NRXN3: variants seen among roughly 807,000 people sequenced by gnomAD.
NRXN3 encodes neurexin III.
Under a neutral mutation model 137.6 loss-of-function variants are expected in NRXN3, and 32 were observed. That is an observed-to-expected ratio of 0.23 (90% confidence interval 0.18 to 0.31). NRXN3 has a LOEUF of 0.31. Ranked by LOEUF, NRXN3 falls within the 10% of genes least tolerant of loss-of-function variation. NRXN3 has a pLI of 1.00. For missense variants in NRXN3, 1,574 were observed against 2,062.5 expected (o/e 0.76, Z 4.59); for synonymous variants, 798 against 784.5 (o/e 1.02, Z -0.29).
intron 4 of NRXN3, among the ~76,000 whole-genome samples, chr14:78,395,303 A>G (rs2091322411): frequency 6.6e-6 from 1 of 151,780 alleles, no homozygotes; most frequent in Non-Finnish European, 1.5e-5. Flanking sequence ...TGACTTATAT[A>G]TTATTTAGAA....
intron 15 of NRXN3, among the ~76,000 whole-genome samples, chr14:79,392,984 A>AAAG (rs1316809814): frequency 4.6e-5 from 7 of 151,326 alleles, no homozygotes; most frequent in African/African-American, 1.7e-4. Context: ...AAAAAAAAAA[A>AAAG]AAAAAAAATT....
At chr14:79,408,176 T>C (rs757306191) in intron 15 of NRXN3, among the ~76,000 whole-genome samples, 22 of 152,212 alleles carry the variant, frequency 1.4e-4, no homozygotes, top group Admixed American at 2.0e-4. Flanking sequence ...TGTCCACAAG[T>C]GTTTGCAGAC....
intron 4 of NRXN3, among the ~76,000 whole-genome samples, chr14:78,561,632 T>C (rs941578833): frequency 2.6e-5 from 4 of 152,164 alleles, no homozygotes; most frequent in Non-Finnish European, 2.9e-5. Flanking sequence ...GGAAAGCATA[T>C]ACTTCCAAAA....
intron 15 of NRXN3, among the ~76,000 whole-genome samples, chr14:79,133,005 G>T (rs1038027359): frequency 6.6e-6 from 1 of 152,216 alleles, no homozygotes; most frequent in Non-Finnish European, 1.5e-5. Flanking sequence ...GCAAGATGGT[G>T]CTCTGTGTCT....
At chr14:79,011,108 A>G (rs1027027569) in intron 15 of NRXN3, among the ~76,000 whole-genome samples, 11 of 152,086 alleles carry the variant, frequency 7.2e-5, no homozygotes, top group African/African-American at 2.7e-4. Context: ...TAGAGGTCTC[A>G]AGTGTTTGTA....
intron 15 of NRXN3, among the ~76,000 whole-genome samples, chr14:79,395,317 AT>A (rs2094982469): frequency 6.6e-6 from 1 of 152,154 alleles, no homozygotes; most frequent in African/African-American, 2.4e-5. Flanking sequence ...GAGCCAAAAT[AT>A]TTATGAACTT....
intron 10 of NRXN3, among the ~76,000 whole-genome samples, chr14:78,922,825 C>A (rs1414056169): frequency 1.3e-5 from 2 of 152,114 alleles, no homozygotes; most frequent in Non-Finnish European, 2.9e-5. Context: ...ATGTAACAAA[C>A]CTGCATGTCC....
At chr14:78,811,413 A>G (rs760060068) in intron 10 of NRXN3, among the ~76,000 whole-genome samples, 12 of 152,182 alleles carry the variant, frequency 7.9e-5, no homozygotes, top group Non-Finnish European at 1.5e-4. Context: ...AGTAGGTTTT[A>G]TTGCCTTGCC....
At chr14:78,861,332 C>G (rs2099071839) in intron 10 of NRXN3, among the ~76,000 whole-genome samples, 1 of 152,108 alleles carries the variant, frequency 6.6e-6, no homozygotes. Flanking sequence ...TTTCTATTAT[C>G]TATATATACC....
chr14:78,181,910 T>C (rs907298712), intron 1 of NRXN3, among the ~76,000 whole-genome samples: 1 of 152,268 alleles, frequency 6.6e-6, no homozygotes, highest in East Asian at 1.9e-4. Context: ...ACACCTATTA[T>C]ATGCAGGCAC....
At chr14:79,242,786 C>T (rs138953730) in intron 15 of NRXN3, among the ~76,000 whole-genome samples, 1 of 152,160 alleles carries the variant, frequency 6.6e-6, no homozygotes, top group African/African-American at 2.4e-5. Flanking sequence ...GATCCTGTTA[C>T]AGCATCTGCC....
intron 4 of NRXN3, among the ~76,000 whole-genome samples, chr14:78,623,051 C>T (rs553911124): frequency 9.9e-5 from 15 of 152,268 alleles, no homozygotes; most frequent in South Asian, 4.1e-4. Flanking sequence ...CTCTAATTTG[C>T]GGATGGCTAA....
At chr14:79,757,916 T>G (rs10140701) in intron 19 of NRXN3, among the ~76,000 whole-genome samples, 13,678 of 152,244 alleles carry the variant, frequency 0.09, 788 homozygotes, top group African/African-American at 0.15. Context: ...ACATTAATTT[T>G]TTTCTGTTGT....
At chr14:78,302,192 C>T (rs2076940594) in intron 4 of NRXN3, among the ~76,000 whole-genome samples, 1 of 152,076 alleles carries the variant, frequency 6.6e-6, no homozygotes, top group South Asian at 2.1e-4. Flanking sequence ...CTTGTCTTTC[C>T]CTAATCCCCT....
At chr14:78,861,958 C>G (rs1299334829) in intron 10 of NRXN3, among the ~76,000 whole-genome samples, 1 of 152,094 alleles carries the variant, frequency 6.6e-6, no homozygotes, top group East Asian at 1.9e-4. Flanking sequence ...ATTAGGCACT[C>G]TTTTAGGCAC....
intron 1 of NRXN3, among the ~76,000 whole-genome samples, chr14:78,189,321 C>T (rs2060505711): frequency 2.0e-5 from 3 of 152,130 alleles, no homozygotes; most frequent in Non-Finnish European, 2.9e-5. Context: ...TGGAGTGATC[C>T]TTTAATAAGT....
At chr14:79,586,480 A>G (rs2097765940) in intron 16 of NRXN3, among the ~76,000 whole-genome samples, 1 of 152,172 alleles carries the variant, frequency 6.6e-6, no homozygotes, top group South Asian at 2.1e-4. Flanking sequence ...TGTGAAGTTT[A>G]TTAGAAATTA....
rs2096665569 is a variant in NRXN3, at chr14:78,549,417, G to C, written c.758-95703G>C. 1.3e-5 allele frequency among the ~76,000 whole-genome samples: 2 copies of C among 152,134 alleles called. 1 individual carries two copies. Among genetic ancestry groups the C allele is most frequent in the South Asian group, 4.1e-4 (2 of 4,826 alleles). ...TCAGCTCAGGTGTCAACTGCTCCAAGAAGCCTTTCTCGAGCTCATGCTCCC... is the reference window on the plus strand; with the variant it reads ...TCAGCTCAGGTGTCAACTGCTCCAACAAGCCTTTCTCGAGCTCATGCTCCC... On this transcript the variant is annotated intron_variant, in intron 4 of 20. Coordinates refer to ENST00000335750, the MANE Select transcript of NRXN3 (RefSeq NM_001330195.2).
intron 16 of NRXN3, among the ~76,000 whole-genome samples, chr14:79,532,861 A>G (rs909578090): frequency 6.6e-6 from 1 of 152,198 alleles, no homozygotes; most frequent in Non-Finnish European, 1.5e-5. Flanking sequence ...GGCACTTCTG[A>G]GCTTCTCAAT....
Sources: allele counts gnomAD v4.1 joint callset (sites outside exome capture counted in the v4.1 genomes callset), GRCh38; gene constraint gnomAD v4.1.1; transcripts MANE v1.5; gene names NCBI Gene and HGNC (gene_info 2026-07-23, HGNC 2026-07-21).